PTPRZ1: variants seen among roughly 807,000 people sequenced by gnomAD.
The protein encoded by PTPRZ1 is receptor-type tyrosine-protein phosphatase zeta.
PTPRZ1 carries 82 observed loss-of-function variants against 214.1 expected under a neutral mutation model. The observed-to-expected ratio is 0.38, with a 90% confidence interval of 0.32 to 0.46. The LOEUF is 0.46. Ranked by LOEUF, PTPRZ1 falls within the 20% of genes least tolerant of loss-of-function variation. PTPRZ1 has a pLI of 1.00. For missense variants in PTPRZ1, 2,603 were observed against 2,748.7 expected (o/e 0.95, Z 1.19); for synonymous variants, 945 against 987.9 (o/e 0.96, Z 0.81).
At chr7:121,974,220 CA>C (rs1797359340) in intron 4 of PTPRZ1, among the ~76,000 whole-genome samples, 1 of 151,894 alleles carries the variant, frequency 6.6e-6, no homozygotes, top group South Asian at 2.1e-4. Flanking sequence ...TTTCTTTATT[CA>C]ATATTTTTAA....
rs577909822 is a variant in PTPRZ1, at chr7:122,058,884, A to G, written c.6613A>G (p.Ile2205Val). ...DSPISKTFELISVIKEEAANR... is the reference protein window; with the variant it reads ...DSPISKTFELVSVIKEEAANR... ...CCCCATTAGTAAAACTTTTGAACTT[A>G]TAAGTGTTATAAAAGAAGAAGCTGC... The change falls in exon 28 of 30, where the codon ATA becomes GTA. Residue 2205 changes from isoleucine to valine, a missense_variant. Ile to Val is a conservative substitution (Grantham distance 29, BLOSUM62 3). Transcript: ENST00000393386. 6.9e-6 allele frequency: 11 copies of G among 1,592,458 alleles called. No homozygotes were observed. The African/African-American group carries it at 9.4e-5, about 14-fold the overall frequency.
intron 14 of PTPRZ1, among the ~76,000 whole-genome samples, chr7:122,028,997 A>T (rs1437930965): frequency 2.6e-5 from 4 of 152,072 alleles, no homozygotes; most frequent in Admixed American, 1.3e-4. Context: ...AACAAAAGTC[A>T]GATTAAGTCA....
At chr7:121,898,759 G>C (rs1794877397) in intron 1 of PTPRZ1, among the ~76,000 whole-genome samples, 1 of 152,172 alleles carries the variant, frequency 6.6e-6, no homozygotes, top group Non-Finnish European at 1.5e-5. Flanking sequence ...TTGCTACAAA[G>C]AGAAGTATTT....
At chr7:121,993,587 A>C (rs1217983719) in intron 8 of PTPRZ1, among the ~76,000 whole-genome samples, 1 of 151,468 alleles carries the variant, frequency 6.6e-6, no homozygotes, top group Non-Finnish European at 1.5e-5. Flanking sequence ...AAAAAAAAAA[A>C]AAAAAAACAC....
chr7:121,902,373 A>G (rs563702635), intron 1 of PTPRZ1, among the ~76,000 whole-genome samples: 1 of 152,208 alleles, frequency 6.6e-6, no homozygotes, highest in South Asian at 2.1e-4. Context: ...CTTTGGATAT[A>G]TACCCAGCAG....
chr7:121,924,759 A>G (rs747353275), intron 1 of PTPRZ1, among the ~76,000 whole-genome samples: 22 of 152,228 alleles, frequency 1.4e-4, no homozygotes, highest in Non-Finnish European at 2.8e-4. Context: ...AATGCATAAC[A>G]AAAATGTCTT....
At chr7:121,909,696 A>G (rs1484279981) in intron 1 of PTPRZ1, among the ~76,000 whole-genome samples, 1 of 152,230 alleles carries the variant, frequency 6.6e-6, no homozygotes, top group African/African-American at 2.4e-5. Flanking sequence ...TGGAGAGAAT[A>G]GAACTATTTA....
intron 10 of PTPRZ1, among the ~76,000 whole-genome samples, chr7:122,001,418 C>T (rs1489713657): frequency 6.6e-6 from 1 of 151,880 alleles, no homozygotes; most frequent in East Asian, 1.9e-4. Flanking sequence ...TGTTTTAGGG[C>T]CTTGATAATT....
At chr7:121,968,515 A>G (rs1797112369) in intron 3 of PTPRZ1, among the ~76,000 whole-genome samples, 1 of 152,156 alleles carries the variant, frequency 6.6e-6, no homozygotes, top group Admixed American at 6.5e-5. Context: ...GATATGAAAA[A>G]AGCAATTGGC....
chr7:122,010,776 T>C lies in PTPRZ1; in HGVS notation c.1730T>C (p.Phe577Ser). ...GAGGAGGAGAGTTTATTGACCAGTT[T>C]CAAGCTTGATACTGGAGCTGAAGAT... ...EYEEESLLTS[F>S]KLDTGAEDSS... Residue 577 changes from phenylalanine (F) to serine (S), a missense_variant, in exon 12 of 30, where the codon TTC becomes TCC. Physicochemically the swap from Phe to Ser is radical, Grantham distance 155. Coordinates refer to ENST00000393386, the MANE Select transcript of PTPRZ1 (RefSeq NM_002851.3). 2 of 1,613,998 alleles carry C rather than the reference T, an allele frequency of 1.2e-6. No individual in the cohort carries two copies. The highest frequency in any genetic ancestry group is 1.7e-6 in the Non-Finnish European group (2 of 1,179,950).
chr7:122,050,302 G>A (rs2150487777), intron 23 of PTPRZ1, among the ~76,000 whole-genome samples: 1 of 151,490 alleles, frequency 6.6e-6, no homozygotes, highest in Non-Finnish European at 1.5e-5. Flanking sequence ...AATTAGCCAG[G>A]TGTGGTGGTG....
chr7:122,048,188 A>G (rs1792058576), intron 23 of PTPRZ1, among the ~76,000 whole-genome samples: 1 of 152,160 alleles, frequency 6.6e-6, no homozygotes, highest in African/African-American at 2.4e-5. Context: ...AAAGGTCAAA[A>G]GAAGCACTAC....
At chr7:121,987,682 G>T (rs929372452) in intron 8 of PTPRZ1, among the ~76,000 whole-genome samples, 2 of 152,102 alleles carry the variant, frequency 1.3e-5, no homozygotes, top group East Asian at 1.9e-4. Flanking sequence ...TTTTTCATAT[G>T]TTTCTTAGCA....
In PTPRZ1 at chr7:122,011,923, G is replaced by C. The variant is rs751826559; in HGVS notation, c.2877G>C (p.Gln959His). Residue 959 changes from glutamine to histidine, a missense_variant, in exon 12 of 30, where the codon CAG becomes CAC. Transcript: ENST00000393386. ...ATGATTCTGTGGGTGTAACTTATCA[G>C]GGTTCCTTATTTAGCGGCCCTAGCC... ...PVHDSVGVTY[Q>H]GSLFSGPSHI... is the part of the protein sequence containing the mutation. 7 of 1,614,086 alleles carry C rather than the reference G, an allele frequency of 4.3e-6. No homozygotes were observed. In the South Asian group the frequency reaches 5.5e-5, roughly 13 times the overall value.
intron 2 of PTPRZ1, among the ~76,000 whole-genome samples, chr7:121,948,030 T>G (rs190176589): frequency 3.3e-5 from 5 of 152,292 alleles, no homozygotes; most frequent in Admixed American, 3.3e-4. Flanking sequence ...ATTTTAGTTA[T>G]TCTGAAAATG....
At chr7:121,923,961 A>C (rs1229145550) in intron 1 of PTPRZ1, among the ~76,000 whole-genome samples, 1 of 152,080 alleles carries the variant, frequency 6.6e-6, no homozygotes, top group Non-Finnish European at 1.5e-5. Flanking sequence ...TATAAACCAA[A>C]TTCCTCTCAA....
intron 6 of PTPRZ1, among the ~76,000 whole-genome samples, chr7:121,982,446 A>G (rs1310254086): frequency 6.6e-6 from 1 of 152,182 alleles, no homozygotes; most frequent in East Asian, 1.9e-4. Flanking sequence ...TTAGGATTTC[A>G]TTGAATCTAT....
intron 1 of PTPRZ1, among the ~76,000 whole-genome samples, chr7:121,875,144 T>A (rs931454411): frequency 2.0e-5 from 3 of 152,136 alleles, no homozygotes; most frequent in Admixed American, 6.5e-5. Context: ...CCATCACCAC[T>A]AATTCCAGAA....
At chr7:121,923,301 C>T (rs747371521) in intron 1 of PTPRZ1, among the ~76,000 whole-genome samples, 6 of 152,098 alleles carry the variant, frequency 3.9e-5, no homozygotes, top group Non-Finnish European at 8.8e-5. Flanking sequence ...TTTATGTCCT[C>T]GGATATTCTT....
Sources: allele counts gnomAD v4.1 joint callset (sites outside exome capture counted in the v4.1 genomes callset), GRCh38; gene constraint gnomAD v4.1.1; transcripts MANE v1.5; gene names NCBI Gene and HGNC (gene_info 2026-07-23, HGNC 2026-07-21).